The following DPYD variants were observed in gnomAD, a reference collection of about 807,000 sequenced individuals.
DPYD encodes dihydropyrimidine dehydrogenase.
DPYD carries 109 observed loss-of-function variants against 116.2 expected under a neutral mutation model. The ratio of observed to expected loss-of-function variants is 0.94; its 90% CI spans 0.80 to 1.10. DPYD has a LOEUF of 1.10. DPYD is among the 50% of genes least tolerant of loss of function. The probability of loss-of-function intolerance (pLI) is 0.00; values close to 1 mark genes in which losing one functional copy is unlikely to be tolerated. For missense variants in DPYD, 1,302 were observed against 1,254.5 expected, an observed-to-expected ratio of 1.04 and a Z score of -0.57; for synonymous variants, 440 against 432.0, an observed-to-expected ratio of 1.02 and a Z score of -0.23.
At chr1:97,427,344 T>C (rs1309426435) in intron 14 of DPYD, among the ~76,000 whole-genome samples, 1 of 152,028 alleles carries the variant, frequency 6.6e-6, no homozygotes, top group African/African-American at 2.4e-5. Context: ...ATAAACCTAC[T>C]CTTATTTCTG....
At chr1:97,502,728 T>G (rs1386271961) in intron 13 of DPYD, among the ~76,000 whole-genome samples, 1 of 151,978 alleles carries the variant, frequency 6.6e-6, no homozygotes, top group Non-Finnish European at 1.5e-5. Context: ...CTTTCTACCC[T>G]TTAATAACTG....
intron 13 of DPYD, among the ~76,000 whole-genome samples, chr1:97,477,781 C>T (rs28796973): frequency 0.17 from 25,327 of 151,360 alleles, 2,226 homozygotes; most frequent in African/African-American, 0.19. Context: ...CCACCGCGCC[C>T]GGCTAATTTT....
intron 14 of DPYD, among the ~76,000 whole-genome samples, chr1:97,438,913 T>C (rs1362847085): frequency 3.3e-5 from 5 of 152,190 alleles, no homozygotes; most frequent in South Asian, 2.1e-4. Context: ...ATCTCTAGCA[T>C]AATGTGGAAT....
At chr1:97,588,166 T>C (rs1654272516) in intron 10 of DPYD, among the ~76,000 whole-genome samples, 2 of 152,132 alleles carry the variant, frequency 1.3e-5, no homozygotes, top group Admixed American at 6.6e-5. Context: ...TCTCAATAGC[T>C]AAAACATGTA....
rs184167650 is a variant in DPYD at position 97,178,423 on chromosome 1, C to A, written c.2622+14646G>T. ...GGAAACTTACAATCGTGGCAAAAGG[C>A]GAGAGGGAAGCAAAGGCATACCTTA... On this transcript the variant is annotated intron_variant, in intron 20 of 22. Transcript: ENST00000370192. Among the ~76,000 whole-genome samples the A allele has an allele frequency of 4.6e-5, 7 of 152,106 alleles. No homozygotes were observed. The East Asian group carries it at 1.4e-3, about 29-fold the overall frequency.
intron 10 of DPYD, chr1:97,585,972 A>G (rs1010609904): frequency 5.1e-5 from 11 of 217,662 alleles, no homozygotes; most frequent in Non-Finnish European, 9.7e-5. Context: ...CTTTCCAAAG[A>G]GCTGAGATAG....
chr1:97,424,714 G>A (rs1674771167), intron 14 of DPYD, among the ~76,000 whole-genome samples: 1 of 152,012 alleles, frequency 6.6e-6, no homozygotes, highest in Non-Finnish European at 1.5e-5. Context: ...ATCTGAGCTA[G>A]TATGAACCCT....
intron 20 of DPYD, among the ~76,000 whole-genome samples, chr1:97,170,994 C>A (rs992842301): frequency 6.6e-5 from 10 of 152,028 alleles, no homozygotes; most frequent in African/African-American, 1.9e-4. Context: ...CTTTCAAAGA[C>A]ATAATCAACA....
chr1:97,495,283 G>A (rs1679202234), intron 13 of DPYD, among the ~76,000 whole-genome samples: 1 of 152,112 alleles, frequency 6.6e-6, no homozygotes, highest in African/African-American at 2.4e-5. Context: ...GGGAGATACA[G>A]TTGGATGAAA....
At chr1:97,782,875 T>C (rs898170763) in intron 3 of DPYD, among the ~76,000 whole-genome samples, 1 of 152,080 alleles carries the variant, frequency 6.6e-6, no homozygotes, top group African/African-American at 2.4e-5. Flanking sequence ...GGATATCAGG[T>C]GGTGGTATCA....
At chr1:97,893,513 T>C (rs962916965) in intron 1 of DPYD, among the ~76,000 whole-genome samples, 1 of 143,168 alleles carries the variant, frequency 7.0e-6, no homozygotes, top group African/African-American at 2.6e-5. Context: ...AACTCATGGG[T>C]CTTTGGTCCC....
At chr1:97,507,348 C>A (rs927993013) in intron 13 of DPYD, among the ~76,000 whole-genome samples, 1 of 151,836 alleles carries the variant, frequency 6.6e-6, no homozygotes, top group Non-Finnish European at 1.5e-5. Context: ...TGTATATTAT[C>A]AGGAAAACAA....
intron 19 of DPYD, among the ~76,000 whole-genome samples, chr1:97,213,525 C>G (rs1660182300): frequency 6.6e-6 from 1 of 152,140 alleles, no homozygotes; most frequent in Non-Finnish European, 1.5e-5. Context: ...ATGCTAGGTA[C>G]TGTGAAAATC....
At chr1:97,830,601 T>A (rs534687262) in intron 2 of DPYD, among the ~76,000 whole-genome samples, 113 of 151,892 alleles carry the variant, frequency 7.4e-4, no homozygotes, top group African/African-American at 2.7e-3. Context: ...TCCCAGCTAC[T>A]CAGGAGGCTG....
At chr1:97,555,353 C>T (rs1036973120) in intron 11 of DPYD, among the ~76,000 whole-genome samples, 15 of 152,026 alleles carry the variant, frequency 9.9e-5, no homozygotes, top group African/African-American at 2.9e-4. Flanking sequence ...AAGATGGCCT[C>T]GAACTCTCCC....
At chr1:97,386,236 T>G (rs189683736) in intron 14 of DPYD, among the ~76,000 whole-genome samples, 2 of 152,124 alleles carry the variant, frequency 1.3e-5, no homozygotes, top group Admixed American at 6.6e-5. Flanking sequence ...AGGAATTAGG[T>G]ACTCTGCTTC....
At chr1:97,543,585 A>G (rs1650611195) in intron 12 of DPYD, among the ~76,000 whole-genome samples, 1 of 152,228 alleles carries the variant, frequency 6.6e-6, no homozygotes, top group African/African-American at 2.4e-5. Flanking sequence ...TGTAAAATAT[A>G]AGACAAAATG....
chr1:97,275,534 G>C lies in DPYD; in HGVS notation c.2299+29725C>G, dbSNP rs144160848. Among the ~76,000 whole-genome samples the C allele has an allele frequency of 4.0e-3, 614 of 152,266 alleles. 11 individuals carry two copies. The highest frequency in any genetic ancestry group is 0.014 in the African/African-American group (591 of 41,546). ...CTTTACCTGTAAACTCTGCGTAATA[G>C]TAGTTACAAACATTTGTCATTCAGG... On this transcript the variant is annotated intron_variant, in intron 18 of 22. Coordinates refer to ENST00000370192, the MANE Select transcript of DPYD (RefSeq NM_000110.4).
chr1:97,488,767 C>T (rs1678798482), intron 13 of DPYD, among the ~76,000 whole-genome samples: 1 of 152,210 alleles, frequency 6.6e-6, no homozygotes, highest in East Asian at 1.9e-4. Context: ...GTTACCGCCC[C>T]TTTCCATGGC....
Sources: gnomAD v4.1 joint callset for allele counts (sites outside exome capture counted in the v4.1 genomes callset) on GRCh38, gnomAD v4.1.1 for gene constraint, MANE v1.5 for transcripts, NCBI Gene and HGNC (gene_info 2026-07-23, HGNC 2026-07-21) for gene names.